PRSS38: variants seen among roughly 807,000 people sequenced by gnomAD.
PRSS38 encodes serine protease 38.
PRSS38 carries 22 observed loss-of-function variants against 26.8 expected under a neutral mutation model. The ratio of observed to expected loss-of-function variants is 0.82; its 90% CI spans 0.59 to 1.17. The LOEUF is 1.17. Ranked by LOEUF, PRSS38 falls within the 50% of genes most tolerant of loss-of-function variation. PRSS38 has a pLI of 0.00. For synonymous variants in PRSS38, 175 were observed against 172.1 expected, an observed-to-expected ratio of 1.02 and a Z score of -0.13; for missense variants, 427 against 422.7, an observed-to-expected ratio of 1.01 and a Z score of -0.09.
chr1:227,828,151 A>G (rs1240029628), intron 3 of PRSS38, among the ~76,000 whole-genome samples: 2 of 152,204 alleles, frequency 1.3e-5, no homozygotes, highest in African/African-American at 4.8e-5. Context: ...GGTGATGAGA[A>G]GAATGTATAT....
exon 5 of PRSS38, chr1:227,846,270 C>A: frequency 6.3e-7 from 1 of 1,580,782 alleles, no homozygotes; most frequent in Non-Finnish European, 8.5e-7. Context: ...CAGCTGCCTC[C>A]AGACCCCTAA....
intron 3 of PRSS38, among the ~76,000 whole-genome samples, chr1:227,841,123 G>A (rs1357730361): frequency 1.3e-5 from 2 of 152,382 alleles, no homozygotes; most frequent in East Asian, 1.9e-4. Context: ...AGCTCAGGCA[G>A]TTGTGGGTCG....
intron 3 of PRSS38, among the ~76,000 whole-genome samples, chr1:227,841,357 C>T (rs971301983): frequency 2.3e-4 from 35 of 152,344 alleles, no homozygotes; most frequent in African/African-American, 7.0e-4. Context: ...AAACCACGTC[C>T]GTGGCAAAAT....
intron 3 of PRSS38, 85 bp downstream of exon 3, chr1:227,817,565 G>A: frequency 2.1e-6 from 3 of 1,433,522 alleles, no homozygotes; most frequent in Admixed American, 3.8e-5. Context: ...AGCTAAGGGG[G>A]TCCAGGTGTT....
At chr1:227,823,937 TAC>T (rs1040551004) in intron 3 of PRSS38, among the ~76,000 whole-genome samples, 6 of 152,232 alleles carry the variant, frequency 3.9e-5, no homozygotes, top group Admixed American at 3.9e-4. Flanking sequence ...GTATTTTTTG[TAC>T]AGTGACTTAT....
Position 227,845,619 on chromosome 1 carries a change from C to T in PRSS38, c.726+7C>T, listed in dbSNP as rs368943352. On this transcript the variant is annotated splice_region_variant and intron_variant, in intron 4 of 4. Coordinates refer to ENST00000366757, the Ensembl canonical transcript of PRSS38. ...TGCTAAGACCGTGTGTGAGGTGTGC[C>T]CCTCCTGGTCCATGAGACAGAGGTC... 1 of 1,611,506 alleles carries T rather than the reference C, an allele frequency of 6.2e-7. No individual in the cohort carries two copies. The highest frequency in any genetic ancestry group is 8.5e-7 in the Non-Finnish European group (1 of 1,178,386).
At position 227,840,020 on chromosome 1, in the gene PRSS38, G is replaced by A. The variant is rs929890813; in HGVS notation, c.584-5450G>A. Reference sequence around the variant, plus strand: ...GTTTAATTTTCCAACCCAGAAAACCGCAGCCCCTGTCTTACAGGGGTCAGT... The same window carrying A: ...GTTTAATTTTCCAACCCAGAAAACCACAGCCCCTGTCTTACAGGGGTCAGT... On this transcript the variant is annotated intron_variant, in intron 3 of 4. Coordinates refer to ENST00000366757, the Ensembl canonical transcript of PRSS38. Among the ~76,000 whole-genome samples the A allele has an allele frequency of 1.1e-4, 17 of 152,262 alleles. No homozygotes were observed. The East Asian group carries it at 1.2e-3, about 10-fold the overall frequency.
Position 227,816,688 on chromosome 1 carries a change from T to C in PRSS38, c.311+436T>C, listed in dbSNP as rs1572078816. Among the ~76,000 whole-genome samples, 1 of 151,638 alleles carries C rather than the reference T, an allele frequency of 6.6e-6. No individual in the cohort carries two copies. The highest frequency in any genetic ancestry group is 6.6e-5 in the Admixed American group (1 of 15,244). ...GCCAGATTCCCACAAGTGAGGCTGG[T>C]CCTCAAGGGCACAGCCAGATTCCCA... On this transcript the variant is annotated intron_variant, in intron 2 of 4. Transcript: ENST00000366757. The surrounding 1 kb of genome is among the most constrained non-coding windows in gnomAD (Gnocchi z 5.1).
intron 3 of PRSS38, among the ~76,000 whole-genome samples, chr1:227,842,996 A>G (rs1665361354): frequency 6.6e-6 from 1 of 152,214 alleles, no homozygotes; most frequent in African/African-American, 2.4e-5. Context: ...CAGATTGGAA[A>G]GCTCCAACCT....
intron 3 of PRSS38, among the ~76,000 whole-genome samples, chr1:227,830,316 T>G (rs1298994181): frequency 3.5e-4 from 53 of 152,154 alleles, no homozygotes. Context: ...ATTGTTTCCC[T>G]CTTAAAGATT....
rs1665052742 is a variant in PRSS38, at chr1:227,825,074, T to C, written c.583+7594T>C. 2.0e-5 allele frequency among the ~76,000 whole-genome samples: 3 copies of C among 152,250 alleles called. No individual in the cohort carries two copies. The South Asian group carries it at 6.2e-4, about 31-fold the overall frequency. On this transcript the variant is annotated intron_variant, in intron 3 of 4. Transcript: ENST00000366757. Reference sequence around the variant, plus strand: ...GCTGTGCAGAAGCTCTTTAGTTTAATTAGATCCCATTTGTCAATTTTTGCT... The same window carrying C: ...GCTGTGCAGAAGCTCTTTAGTTTAACTAGATCCCATTTGTCAATTTTTGCT...
chr1:227,841,354 G>A (rs16848160), intron 3 of PRSS38, among the ~76,000 whole-genome samples: 3,085 of 152,306 alleles, frequency 0.02, 76 homozygotes, highest in African/African-American at 0.055. Context: ...ACCAAACCAC[G>A]TCCGTGGCAA....
chr1:227,838,980 C>T (rs1460921162), intron 3 of PRSS38, among the ~76,000 whole-genome samples: 2 of 152,200 alleles, frequency 1.3e-5, no homozygotes, highest in African/African-American at 2.4e-5. Flanking sequence ...CCACCACGCC[C>T]GGCTCTACTG....
At chr1:227,835,762 T>C (rs1665229796) in intron 3 of PRSS38, among the ~76,000 whole-genome samples, 1 of 152,232 alleles carries the variant, frequency 6.6e-6, no homozygotes, top group Non-Finnish European at 1.5e-5. Context: ...AGGCAAATCA[T>C]ACAGATGGAA....
chr1:227,843,959 G>A (rs1665376796), intron 3 of PRSS38, among the ~76,000 whole-genome samples: 1 of 152,142 alleles, frequency 6.6e-6, no homozygotes, highest in South Asian at 2.1e-4. Flanking sequence ...ATGCACTCCA[G>A]CCTGGGTGAC....
At chr1:227,842,172 A>G (rs965017047) in intron 3 of PRSS38, among the ~76,000 whole-genome samples, 2 of 152,160 alleles carry the variant, frequency 1.3e-5, no homozygotes, top group Non-Finnish European at 2.9e-5. Context: ...TGGGATTTGG[A>G]GGGGACAAAC....
At chr1:227,818,694 A>C (rs1010293968) in intron 3 of PRSS38, among the ~76,000 whole-genome samples, 5 of 151,834 alleles carry the variant, frequency 3.3e-5, no homozygotes, top group Non-Finnish European at 5.9e-5. Flanking sequence ...AAAAAAAAAA[A>C]AAAAACGTAT....
chr1:227,825,901 C>A (rs77288171), intron 3 of PRSS38, among the ~76,000 whole-genome samples: 9 of 151,914 alleles, frequency 5.9e-5, no homozygotes, highest in Non-Finnish European at 1.2e-4. Flanking sequence ...AAATAGTTTT[C>A]TTCTAATTCT....
intron 3 of PRSS38, among the ~76,000 whole-genome samples, chr1:227,845,051 G>A (rs1021039907): frequency 1.3e-4 from 19 of 146,538 alleles, no homozygotes; most frequent in African/African-American, 4.9e-4. Flanking sequence ...CCCTATGTGT[G>A]GTGGAGCTCC....
Sources: allele counts gnomAD v4.1 joint callset (sites outside exome capture counted in the v4.1 genomes callset), GRCh38; gene constraint gnomAD v4.1.1; non-coding constraint Gnocchi (gnomAD v3.1); transcripts MANE v1.5; gene names NCBI Gene and HGNC (gene_info 2026-07-23, HGNC 2026-07-21).